The following SLC16A10 variants were observed in gnomAD, a reference collection of about 807,000 sequenced individuals.
SLC16A10 encodes solute carrier family 16 member 10.
SLC16A10 carries 27 observed loss-of-function variants against 40.0 expected under a neutral mutation model. The observed-to-expected ratio is 0.67, with a 90% confidence interval of 0.50 to 0.93. SLC16A10 has a LOEUF of 0.93. SLC16A10 is among the 40% of genes least tolerant of loss of function. SLC16A10 has a pLI of 0.00. For missense variants in SLC16A10, 529 were observed against 658.2 expected (o/e 0.80, Z 2.15); for synonymous variants, 213 against 249.8 (o/e 0.85, Z 1.39).
chr6:111,183,695 G>A (rs1374325982), intron 3 of SLC16A10, among the ~76,000 whole-genome samples: 1 of 152,210 alleles, frequency 6.6e-6, no homozygotes, highest in Non-Finnish European at 1.5e-5. Context: ...GAATAATTGA[G>A]TAACCAGTAA....
At position 111,226,307 on chromosome 6, in the gene SLC16A10, G is replaced by A. The variant is rs1047996406; in HGVS notation, c.*4072G>A. On this transcript the variant is annotated 3_prime_UTR_variant, in exon 6 of 6. Transcript: ENST00000368851. ...CCCAGCATGAAGGGTGACTGGGAAT[G>A]TAGTGTGCCTCTCTGATGCAGTTCC... 10 of 152,144 alleles carry A rather than the reference G, an allele frequency of 6.6e-5. No homozygotes were observed. The highest frequency in any genetic ancestry group is 3.9e-4 in the Admixed American group (6 of 15,266). 9.4% of individuals were successfully genotyped at this position (152,144 alleles called of 1,614,324 possible). A position where few individuals can be genotyped will look rare whatever the true frequency, so the allele number is the denominator to read the frequency against.
chr6:111,155,071 C>CT (rs1483676198), intron 1 of SLC16A10, among the ~76,000 whole-genome samples: 2 of 149,466 alleles, frequency 1.3e-5, no homozygotes, highest in Non-Finnish European at 3.0e-5. Context: ...GTGAGTCGTT[C>CT]TACCAGGGGC....
intron 1 of SLC16A10, among the ~76,000 whole-genome samples, chr6:111,168,435 A>G (rs1772519322): frequency 6.6e-6 from 1 of 152,242 alleles, no homozygotes; most frequent in Non-Finnish European, 1.5e-5. Flanking sequence ...CAAATATATT[A>G]TCAGCACAAC....
At chr6:111,089,908 G>GT (rs541758500) in intron 1 of SLC16A10, among the ~76,000 whole-genome samples, 591 of 52,322 alleles carry the variant, frequency 0.011, 259 homozygotes, top group Non-Finnish European at 0.013. Flanking sequence ...CTGTGGGTGG[G>GT]TTTTTTTTTT....
rs1213635822 is a variant in SLC16A10 at position 111,222,742 on chromosome 6, T to C, written c.*507T>C. 6.4e-6 allele frequency: 1 copy of C among 155,392 alleles called. No individual in the cohort carries two copies. Among genetic ancestry groups the C allele is most frequent in the Non-Finnish European group, 1.4e-5 (1 of 70,664 alleles). 9.6% of individuals were successfully genotyped at this position (155,392 alleles called of 1,614,324 possible). Reference sequence around the variant, plus strand: ...AACCTCAAGTCTATGTTAAAGTTGCTTTCCTGCTGTTAAATAAGCTATGAT... The same window carrying C: ...AACCTCAAGTCTATGTTAAAGTTGCCTTCCTGCTGTTAAATAAGCTATGAT... On this transcript the variant is annotated 3_prime_UTR_variant, in exon 6 of 6. Transcript: ENST00000368851.
In SLC16A10 at chr6:111,218,840, G is replaced by C; in HGVS notation, c.1113G>C (p.Leu371=). The change falls in exon 5 of 6, where the codon CTG becomes CTC. Residue 371 remains leucine, a synonymous_variant. Transcript: ENST00000368851. The part of the protein sequence containing the change: ...LQVLSFFFIG[L]MSMMIPLCSI... ...TACTCTCCTTTTTCTTCATTGGTCTGATGTCCATGATGATTCCTCTGTGTA... is the reference window on the plus strand; with the variant it reads ...TACTCTCCTTTTTCTTCATTGGTCTCATGTCCATGATGATTCCTCTGTGTA... 6.2e-7 allele frequency: 1 copy of C among 1,614,146 alleles called. No individual in the cohort carries two copies.
intron 1 of SLC16A10, among the ~76,000 whole-genome samples, chr6:111,093,619 T>C (rs1771022270): frequency 6.6e-6 from 1 of 152,250 alleles, no homozygotes; most frequent in Non-Finnish European, 1.5e-5. Flanking sequence ...CTAAAGAGAT[T>C]TTGTTTTGTT....
At chr6:111,146,050 A>C (rs1772070961) in intron 1 of SLC16A10, among the ~76,000 whole-genome samples, 1 of 152,238 alleles carries the variant, frequency 6.6e-6, no homozygotes, top group South Asian at 2.1e-4. Flanking sequence ...AATTTTTTGC[A>C]AATCATGTAT....
At chr6:111,208,221 C>T (rs1773286792) in intron 4 of SLC16A10, among the ~76,000 whole-genome samples, 1 of 152,106 alleles carries the variant, frequency 6.6e-6, no homozygotes, top group African/African-American at 2.4e-5. Context: ...TCCAACGATC[C>T]ACCCATTTCA....
chr6:111,222,226 T>A lies in SLC16A10; in HGVS notation c.1539T>A (p.Ser513=). 6.3e-7 allele frequency: 1 copy of A among 1,599,656 alleles called. No homozygotes were observed. Among genetic ancestry groups the A allele is most frequent in the Non-Finnish European group, 8.5e-7 (1 of 1,176,328 alleles). ...SSGMFKKESD[S]II Reference sequence around the variant, plus strand: ...GAATGTTCAAGAAAGAATCTGACTCTATTATTTAATATCTTACATACCTCC... The same window carrying A: ...GAATGTTCAAGAAAGAATCTGACTCAATTATTTAATATCTTACATACCTCC... The change falls in exon 6 of 6, where the codon TCT becomes TCA. Residue 513 remains serine, a synonymous_variant. Coordinates refer to ENST00000368851, the MANE Select transcript of SLC16A10 (RefSeq NM_018593.5).
chr6:111,214,053 T>C (rs753306056), intron 4 of SLC16A10, among the ~76,000 whole-genome samples: 2 of 152,218 alleles, frequency 1.3e-5, no homozygotes, highest in Admixed American at 6.5e-5. Flanking sequence ...TCTCCAGCAA[T>C]GCTCTCCTTG....
chr6:111,206,747 C>T lies in SLC16A10; in HGVS notation c.1086+12C>T, dbSNP rs768489003. 4 of 1,610,468 alleles carry T rather than the reference C, an allele frequency of 2.5e-6. No individual in the cohort carries two copies. In the African/African-American group the frequency reaches 4.0e-5, roughly 16 times the overall value. ...AGGTTTATCTACAGGTACTTTTTTA[C>T]ACCTTTTTTCCCCTATCAAAAATTA... On this transcript the variant is annotated intron_variant, in intron 4 of 5. Coordinates refer to ENST00000368851, the MANE Select transcript of SLC16A10 (RefSeq NM_018593.5).
chr6:111,202,402 C>T (rs889584819), intron 3 of SLC16A10, among the ~76,000 whole-genome samples: 4 of 151,950 alleles, frequency 2.6e-5, no homozygotes, highest in Non-Finnish European at 5.9e-5. Flanking sequence ...TGTTTAAGCC[C>T]AGGAGGTCGA....
rs1214432147 is a variant in SLC16A10 at position 111,225,445 on chromosome 6, A to C, written c.*3210A>C. The C allele has an allele frequency of 6.6e-6, 1 of 151,518 alleles. No individual in the cohort carries two copies. The highest frequency in any genetic ancestry group is 1.5e-5 in the Non-Finnish European group (1 of 67,974). The allele number at this position is 151,518 out of a possible 1,614,324, so 9.4% of individuals were successfully genotyped here. On this transcript the variant is annotated 3_prime_UTR_variant, in exon 6 of 6. Transcript: ENST00000368851. ...TCGGCATGCACCTGTAGTCCCAGCT[A>C]CTCGGGAAGCTGAGGCAGGAGAAGA...
intron 1 of SLC16A10, among the ~76,000 whole-genome samples, chr6:111,151,618 C>A (rs573267564): frequency 1.2e-4 from 19 of 152,296 alleles, no homozygotes; most frequent in African/African-American, 4.3e-4. Context: ...ACCGTTTGAT[C>A]ATGTAATTCC....
intron 1 of SLC16A10, among the ~76,000 whole-genome samples, chr6:111,171,131 T>C (rs1772578363): frequency 6.6e-6 from 1 of 152,126 alleles, no homozygotes; most frequent in African/African-American, 2.4e-5. Context: ...AGCGAGACCC[T>C]GTCTCATTAA....
chr6:111,207,819 A>G (rs1773279957), intron 4 of SLC16A10, among the ~76,000 whole-genome samples: 1 of 152,132 alleles, frequency 6.6e-6, no homozygotes, highest in Non-Finnish European at 1.5e-5. Context: ...GAATGGAATA[A>G]AGGGAGAATA....
intron 1 of SLC16A10, among the ~76,000 whole-genome samples, chr6:111,171,006 A>G (rs1355981113): frequency 6.6e-6 from 1 of 152,004 alleles, no homozygotes; most frequent in Non-Finnish European, 1.5e-5. Flanking sequence ...GTGTGGTGGC[A>G]CACACCTGTA....
chr6:111,144,350 C>T (rs1185173258), intron 1 of SLC16A10, among the ~76,000 whole-genome samples: 1 of 152,070 alleles, frequency 6.6e-6, no homozygotes, highest in Non-Finnish European at 1.5e-5. Context: ...ACTACAGGCA[C>T]ACGCTGCTAT....
Sources: gnomAD v4.1 joint callset for allele counts (sites outside exome capture counted in the v4.1 genomes callset) on GRCh38, gnomAD v4.1.1 for gene constraint, MANE v1.5 for transcripts, NCBI Gene and HGNC (gene_info 2026-07-23, HGNC 2026-07-21) for gene names.